TAOK1: variants seen among roughly 807,000 people sequenced by gnomAD.
TAOK1 encodes the protein serine/threonine-protein kinase TAO1.
In TAOK1, 21 loss-of-function variants were observed where a neutral mutation model predicts 138.3. The observed-to-expected ratio is 0.15, with a 90% CI of 0.11 to 0.22. TAOK1 has a LOEUF of 0.22. TAOK1 is among the 10% of genes least tolerant of loss of function. The pLI, the probability that TAOK1 is intolerant of heterozygous loss-of-function variation, is 1.00. For synonymous variants in TAOK1, 361 were observed against 398.4 expected (o/e 0.91, Z 1.12); for missense variants, 651 against 1,227.7 (o/e 0.53, Z 7.02).
chr17:29,495,984 T>TA (rs1567734932), intron 11 of TAOK1, among the ~76,000 whole-genome samples: 1 of 152,184 alleles, frequency 6.6e-6, no homozygotes, highest in African/African-American at 2.4e-5. Context: ...CCCTTTATGG[T>TA]ACACAATGTC....
At chr17:29,518,009 C>T (rs2031848530) in intron 16 of TAOK1, among the ~76,000 whole-genome samples, 1 of 152,134 alleles carries the variant, frequency 6.6e-6, no homozygotes, top group Non-Finnish European at 1.5e-5. Context: ...GTGTGCACCA[C>T]CACACCCAAC....
Position 29,547,623 on chromosome 17 carries a change from G to A in TAOK1, c.*4601G>A, listed in dbSNP as rs567772991. On this transcript the variant is annotated 3_prime_UTR_variant, in exon 20 of 20. Coordinates refer to ENST00000261716, the MANE Select transcript of TAOK1 (RefSeq NM_020791.4). ...TGGAAGAAGAGGTTCTCTTGTCTTA[G>A]ATAGAAAAGAGCCTTCTCCAAGAGC... 4 of 149,014 alleles carry A rather than the reference G, an allele frequency of 2.7e-5. No individual in the cohort carries two copies. In the South Asian group the frequency reaches 8.3e-4, roughly 31 times the overall value. 9.2% of individuals were successfully genotyped at this position (149,014 alleles called of 1,614,324 possible).
rs1472488835 is a variant in TAOK1 at position 29,410,841 on chromosome 17, G to A, written c.-95+19817G>A. ...GTAGAGACGGGGTTTCACCATGTTG[G>A]CCAGACTGGTCTTGAACTCCTGACC... is the stretch of plus-strand genomic sequence containing the variant. On this transcript the variant is annotated intron_variant, in intron 1 of 19. Coordinates refer to ENST00000261716, the MANE Select transcript of TAOK1 (RefSeq NM_020791.4). Among the ~76,000 whole-genome samples, 5 of 150,592 alleles carry A rather than the reference G, an allele frequency of 3.3e-5. 1 individual carries two copies. Among genetic ancestry groups the A allele is most frequent in the Admixed American group, 2.7e-4 (4 of 15,048 alleles).
chr17:29,498,104 AT>A (rs970157087), intron 11 of TAOK1, among the ~76,000 whole-genome samples: 2 of 152,122 alleles, frequency 1.3e-5, no homozygotes, highest in African/African-American at 4.8e-5. Flanking sequence ...AGTTGGTTGA[AT>A]TTTTTTGTGA....
At chr17:29,490,704 T>TA (rs2031279521) in intron 9 of TAOK1, among the ~76,000 whole-genome samples, 1 of 152,218 alleles carries the variant, frequency 6.6e-6, no homozygotes, top group Non-Finnish European at 1.5e-5. Context: ...TGTGCTGCTG[T>TA]AACAGAGTAT....
intron 1 of TAOK1, among the ~76,000 whole-genome samples, chr17:29,397,437 A>G (rs1386819934): frequency 6.6e-6 from 1 of 151,200 alleles, no homozygotes; most frequent in Admixed American, 6.6e-5. Context: ...CCCTGTCTCT[A>G]CTAAAAATAC....
chr17:29,479,013 T>C (rs1435037331), intron 6 of TAOK1, among the ~76,000 whole-genome samples: 1 of 152,128 alleles, frequency 6.6e-6, no homozygotes, highest in African/African-American at 2.4e-5. Context: ...TAATCCCAGC[T>C]ACTCGTGAGG....
chr17:29,471,801 T>C (rs1012439989), intron 3 of TAOK1, among the ~76,000 whole-genome samples: 1 of 152,222 alleles, frequency 6.6e-6, no homozygotes, highest in Non-Finnish European at 1.5e-5. Context: ...TAGAATGCAA[T>C]GATGTTTGAC....
At chr17:29,423,281 G>A (rs1418847846) in intron 1 of TAOK1, among the ~76,000 whole-genome samples, 3 of 147,078 alleles carry the variant, frequency 2.0e-5, no homozygotes, top group Non-Finnish European at 4.5e-5. Flanking sequence ...GTGCAGTGGC[G>A]CGATCTTGGC....
intron 13 of TAOK1, among the ~76,000 whole-genome samples, chr17:29,505,311 G>A (rs756837535): frequency 3.9e-5 from 6 of 151,928 alleles, no homozygotes; most frequent in Non-Finnish European, 8.8e-5. Context: ...TGCCTTAACC[G>A]TCTGAAACAA....
intron 1 of TAOK1, among the ~76,000 whole-genome samples, chr17:29,415,046 T>A (rs574748568): frequency 6.6e-6 from 1 of 152,078 alleles, no homozygotes; most frequent in African/African-American, 2.4e-5. Flanking sequence ...CTAGGCTCAC[T>A]GCAACCTCCG....
At position 29,550,548 on chromosome 17, in the gene TAOK1, G is replaced by A. The variant is rs545708484; in HGVS notation, c.*7526G>A. 1 of 152,272 alleles carries A rather than the reference G, an allele frequency of 6.6e-6. No individual in the cohort carries two copies. The highest frequency in any genetic ancestry group is 2.1e-4 in the South Asian group (1 of 4,828). 9.4% of individuals were successfully genotyped at this position (152,272 alleles called of 1,614,324 possible). A position where few individuals can be genotyped will look rare whatever the true frequency, so the allele number is the denominator to read the frequency against. On this transcript the variant is annotated 3_prime_UTR_variant, in exon 20 of 20. Coordinates refer to ENST00000261716, the MANE Select transcript of TAOK1 (RefSeq NM_020791.4). ...AGGTTGAAGAGACTATGAGAAATAT[G>A]TATAGTGTATATTTTAAAACAGCTT...
intron 2 of TAOK1, among the ~76,000 whole-genome samples, chr17:29,458,167 C>T (rs950906873): frequency 5.3e-5 from 8 of 151,828 alleles, no homozygotes; most frequent in African/African-American, 1.9e-4. Flanking sequence ...TTTGTTTCTC[C>T]ATTCTTTTGT....
chr17:29,410,445 G>T (rs1417609516), intron 1 of TAOK1, among the ~76,000 whole-genome samples: 4 of 151,356 alleles, frequency 2.6e-5, no homozygotes, highest in Non-Finnish European at 4.4e-5. Context: ...CAGAAACGGG[G>T]TTTCACTATG....
intron 1 of TAOK1, among the ~76,000 whole-genome samples, chr17:29,408,819 TCTC>T (rs1598467936): frequency 6.6e-6 from 1 of 151,064 alleles, no homozygotes; most frequent in Non-Finnish European, 1.5e-5. Context: ...TTCAAGCAAT[TCTC>T]CTGCCTCAGC....
At chr17:29,455,270 G>A (rs140302759) in intron 2 of TAOK1, among the ~76,000 whole-genome samples, 7 of 150,366 alleles carry the variant, frequency 4.7e-5, no homozygotes, top group East Asian at 1.9e-4. Context: ...TCTTAATTCC[G>A]TGTGAAATTG....
rs1376112456 is a variant in TAOK1, at chr17:29,550,767, T to C, written c.*7745T>C. On this transcript the variant is annotated 3_prime_UTR_variant, in exon 20 of 20. Transcript: ENST00000261716. ...TTTAGTTTTATGTACTCATTTCCCT[T>C]TGTTTTCCTCAAACAGCATGATTTT... 1 of 152,454 alleles carries C rather than the reference T, an allele frequency of 6.6e-6. No homozygotes were observed. Among genetic ancestry groups the C allele is most frequent in the African/African-American group, 2.4e-5 (1 of 41,454 alleles). The allele number at this position is 152,454 out of a possible 1,614,324, so 9.4% of individuals were successfully genotyped here.
rs529666469 is a variant in TAOK1, at chr17:29,534,000, G to T, written c.2362-118G>T. ...CTCCAAGATACAAGAGAGAAAAATT[G>T]TCTAAACTAAAAAAGAGTAGTCTGT... is the stretch of plus-strand genomic sequence containing the variant. On this transcript the variant is annotated intron_variant, in intron 18 of 19. Coordinates refer to ENST00000261716, the MANE Select transcript of TAOK1 (RefSeq NM_020791.4). 3,249 of 1,132,214 alleles carry T rather than the reference G, an allele frequency of 2.9e-3. 13 individuals are homozygous for T. Among genetic ancestry groups the T allele is most frequent in the Admixed American group, 3.6e-3 (98 of 27,278 alleles). The allele number at this position is 1,132,214 out of a possible 1,614,324, so 70.1% of individuals were successfully genotyped here. A position where few individuals can be genotyped will look rare whatever the true frequency, so the allele number is the denominator to read the frequency against.
chr17:29,402,099 TA>T (rs1904862586), intron 1 of TAOK1, among the ~76,000 whole-genome samples: 1 of 152,288 alleles, frequency 6.6e-6, no homozygotes, highest in African/African-American at 2.4e-5. Context: ...TTATATTGGG[TA>T]TATTTACCTT....
Sources: gnomAD v4.1 joint callset for allele counts (sites outside exome capture counted in the v4.1 genomes callset) on GRCh38, gnomAD v4.1.1 for gene constraint, MANE v1.5 for transcripts, NCBI Gene and HGNC (gene_info 2026-07-23, HGNC 2026-07-21) for gene names.